Variants in RBPMS observed in about 807,000 individuals in gnomAD.
The protein encoded by RBPMS is RNA-binding protein with multiple splicing.
Under a neutral mutation model 26.8 loss-of-function variants are expected in RBPMS, and 7 were observed. The observed-to-expected ratio is 0.26, with a 90% CI of 0.15 to 0.49. RBPMS has a LOEUF of 0.49. Ranked by LOEUF, RBPMS falls within the 20% of genes least tolerant of loss-of-function variation. The pLI is 0.98. For synonymous variants in RBPMS, 96 were observed against 93.3 expected (o/e 1.03, Z -0.17); for missense variants, 186 against 250.0 (o/e 0.74, Z 1.73).
At chr8:30,530,871 T>G (rs1824145870) in intron 5 of RBPMS, among the ~76,000 whole-genome samples, 1 of 152,172 alleles carries the variant, frequency 6.6e-6, no homozygotes, top group Non-Finnish European at 1.5e-5. Flanking sequence ...TGAGGAAATT[T>G]GCCCGAGGTC....
At chr8:30,514,296 T>A (rs1822051036) in intron 5 of RBPMS, among the ~76,000 whole-genome samples, 1 of 152,176 alleles carries the variant, frequency 6.6e-6, no homozygotes, top group Non-Finnish European at 1.5e-5. Flanking sequence ...GTTCTGTAGT[T>A]CTTTTAAGGT....
intron 5 of RBPMS, among the ~76,000 whole-genome samples, chr8:30,505,719 T>A (rs1821007928): frequency 6.6e-6 from 1 of 152,186 alleles, no homozygotes; most frequent in African/African-American, 2.4e-5. Flanking sequence ...AGTATCTAGC[T>A]TAATACTTTG....
At chr8:30,531,158 T>A (rs1824186370) in intron 5 of RBPMS, among the ~76,000 whole-genome samples, 1 of 152,172 alleles carries the variant, frequency 6.6e-6, no homozygotes, top group Admixed American at 6.5e-5. Flanking sequence ...AAACTTTATA[T>A]GACCATCTTC....
chr8:30,444,880 G>A (rs1481337125), intron 1 of RBPMS: 1 of 152,142 alleles, frequency 6.6e-6, no homozygotes, highest in Non-Finnish European at 1.5e-5. Flanking sequence ...TTAAGCACAC[G>A]GTAAGAACCG....
intron 8 of RBPMS, among the ~76,000 whole-genome samples, chr8:30,567,813 G>C (rs1563461280): frequency 6.6e-6 from 1 of 152,236 alleles, no homozygotes; most frequent in Non-Finnish European, 1.5e-5. Context: ...GCCTGAGAGA[G>C]CGGCAGCAGC....
At chr8:30,504,168 G>C (rs1171419834) in intron 4 of RBPMS, 118 bp from the exon 5 acceptor site, 3 of 973,944 alleles carry the variant, frequency 3.1e-6, no homozygotes, top group Non-Finnish European at 4.8e-6. Context: ...AAGAATGAGA[G>C]TGGTTGCTGA....
At chr8:30,563,660 T>C (rs1827677519) in intron 7 of RBPMS, among the ~76,000 whole-genome samples, 2 of 152,198 alleles carry the variant, frequency 1.3e-5, no homozygotes, top group Non-Finnish European at 2.9e-5. Context: ...TTTTCCCTTC[T>C]CTTCTGTTTT....
At chr8:30,463,691 G>A (rs1209667321) in intron 1 of RBPMS, among the ~76,000 whole-genome samples, 1 of 152,232 alleles carries the variant, frequency 6.6e-6, no homozygotes, top group Non-Finnish European at 1.5e-5. Context: ...CAAAGAAATT[G>A]TGGACATAGT....
At position 30,571,743 on chromosome 8, in the gene RBPMS, C is replaced by G. The variant is rs142137953; in HGVS notation, c.*1218C>G. The G allele has an allele frequency of 2.0e-5, 3 of 152,426 alleles. No individual in the cohort carries two copies. The highest frequency in any genetic ancestry group is 7.2e-5 in the African/African-American group (3 of 41,584). 9.4% of individuals were successfully genotyped at this position (152,426 alleles called of 1,614,324 possible). A position where few individuals can be genotyped will look rare whatever the true frequency, so the allele number is the denominator to read the frequency against. ...GGAACCAATTCTATTCAGACTTCGT[C>G]AAAGCCAAAGTCAGTCTGGTGTTGT... On this transcript the variant is annotated 3_prime_UTR_variant, in exon 9 of 9. Transcript: ENST00000397323.
At chr8:30,547,353 G>T (rs1411121919) in intron 6 of RBPMS, 1 of 1,613,686 alleles carries the variant, frequency 6.2e-7, no homozygotes, top group Non-Finnish European at 8.5e-7. Context: ...CAGCAAATTA[G>T]ATTTGTCTCT....
intron 5 of RBPMS, among the ~76,000 whole-genome samples, chr8:30,542,265 T>C (rs1390517205): frequency 1.3e-5 from 2 of 152,212 alleles, no homozygotes; most frequent in Non-Finnish European, 2.9e-5. Flanking sequence ...AGTAAAGAAC[T>C]AATGGGAAGT....
At chr8:30,436,440 A>G (rs1020335253) in intron 1 of RBPMS, among the ~76,000 whole-genome samples, 3 of 152,094 alleles carry the variant, frequency 2.0e-5, no homozygotes, top group Non-Finnish European at 4.4e-5. Flanking sequence ...TTTCTCCTTT[A>G]GGCTAACCAT....
intron 5 of RBPMS, chr8:30,537,454 G>A (rs1824912196): frequency 1.2e-5 from 5 of 417,936 alleles, no homozygotes; most frequent in Non-Finnish European, 2.4e-5. Context: ...TAGTGGAGTG[G>A]GGAGACGGTG....
At chr8:30,521,602 T>C (rs1372725808) in intron 5 of RBPMS, among the ~76,000 whole-genome samples, 1 of 152,228 alleles carries the variant, frequency 6.6e-6, no homozygotes, top group African/African-American at 2.4e-5. Flanking sequence ...TTTAGATTAC[T>C]CATATAATTG....
At chr8:30,559,095 A>G (rs751988434) in intron 7 of RBPMS, 139 bp downstream of exon 7, 72 of 710,124 alleles carry the variant, frequency 1.0e-4, no homozygotes, top group Non-Finnish European at 1.5e-4. Flanking sequence ...TGTTAAACTC[A>G]CTTGAACTAC....
intron 1 of RBPMS, among the ~76,000 whole-genome samples, chr8:30,426,537 C>G (rs1447182614): frequency 1.3e-5 from 2 of 152,006 alleles, no homozygotes; most frequent in African/African-American, 4.8e-5. Flanking sequence ...CGTAATAGGA[C>G]CTGAATAAAG....
intron 1 of RBPMS, among the ~76,000 whole-genome samples, chr8:30,420,086 G>A (rs1409801726): frequency 1.3e-5 from 2 of 152,062 alleles, no homozygotes; most frequent in Non-Finnish European, 2.9e-5. Flanking sequence ...GAATTAACTG[G>A]ACATGGTGAT....
intron 1 of RBPMS, among the ~76,000 whole-genome samples, chr8:30,465,369 G>C (rs1816381814): frequency 6.6e-6 from 1 of 152,200 alleles, no homozygotes; most frequent in African/African-American, 2.4e-5. Flanking sequence ...GTGTTCACAT[G>C]TGCAGACACT....
chr8:30,513,313 A>G (rs1821925815), intron 5 of RBPMS, among the ~76,000 whole-genome samples: 1 of 152,140 alleles, frequency 6.6e-6, no homozygotes, highest in Non-Finnish European at 1.5e-5. Context: ...CTCAGGTGCC[A>G]GGCACGGTAG....
Sources: gnomAD v4.1 joint callset for allele counts (sites outside exome capture counted in the v4.1 genomes callset) on GRCh38, gnomAD v4.1.1 for gene constraint, MANE v1.5 for transcripts, NCBI Gene and HGNC (gene_info 2026-07-23, HGNC 2026-07-21) for gene names.